The following STX12 variants were observed in gnomAD, a reference collection of about 807,000 sequenced individuals.
The protein encoded by STX12 is syntaxin-12.
Under a neutral mutation model 42.2 loss-of-function variants are expected in STX12, and 17 were observed. The ratio of observed to expected loss-of-function variants is 0.40; its 90% CI spans 0.28 to 0.60. The LOEUF is 0.60. STX12 is among the 20% of genes least tolerant of loss of function. STX12 has a pLI of 0.39. For synonymous variants in STX12, 108 were observed against 116.7 expected (o/e 0.93, Z 0.48); for missense variants, 297 against 330.9 (o/e 0.90, Z 0.79).
chr1:27,778,417 G>A (rs1052592597), intron 1 of STX12, among the ~76,000 whole-genome samples: 11 of 152,152 alleles, frequency 7.2e-5, no homozygotes, highest in Admixed American at 1.3e-4. Context: ...CTGACTGGGC[G>A]AGGTGTCTCA....
chr1:27,780,282 C>T (rs1304446013), intron 1 of STX12, among the ~76,000 whole-genome samples: 2 of 146,710 alleles, frequency 1.4e-5, no homozygotes, highest in Non-Finnish European at 3.0e-5. Flanking sequence ...CGATCAGGCT[C>T]ATTGCAACTT....
At chr1:27,773,546 C>A (rs2088610165) in intron 1 of STX12, 121 bp downstream of exon 1, 2 of 861,956 alleles carry the variant, frequency 2.3e-6, no homozygotes, top group Non-Finnish European at 1.8e-6. Flanking sequence ...CTGTCTCGGG[C>A]TGTCCACCCT....
intron 7 of STX12, among the ~76,000 whole-genome samples, chr1:27,819,137 C>G (rs2088965339): frequency 6.6e-6 from 1 of 151,890 alleles, no homozygotes; most frequent in Admixed American, 6.6e-5. Flanking sequence ...GGCATAGTAA[C>G]ATGCACCTGT....
At position 27,792,186 on chromosome 1, in the gene STX12, C is replaced by CATATATATGTATCTA. The variant is rs2088749456; in HGVS notation, c.189-1347_189-1346insATATATATGTATCTA. Among the ~76,000 whole-genome samples the CATATATATGTATCTA allele has an allele frequency of 2.1e-5, 2 of 94,688 alleles. 1 individual carries two copies. Among genetic ancestry groups the CATATATATGTATCTA allele is most frequent in the African/African-American group, 2.2e-4 (2 of 9,116 alleles). The allele number at this position is 94,688 out of a possible 152,430, so 62.1% of individuals were successfully genotyped here. A position where few individuals can be genotyped will look rare whatever the true frequency, so the allele number is the denominator to read the frequency against. On this transcript the variant is annotated intron_variant, in intron 2 of 8. Coordinates refer to ENST00000373943, the MANE Select transcript of STX12 (RefSeq NM_177424.3). ...TATATGTATATACATATATATGTAT[C>CATATATATGTATCTA]TATATATGTATATACATATATATGT... is the stretch of plus-strand genomic sequence containing the variant.
intron 2 of STX12, among the ~76,000 whole-genome samples, chr1:27,790,996 C>T (rs1472701261): frequency 2.0e-5 from 3 of 151,212 alleles, no homozygotes; most frequent in Admixed American, 6.6e-5. Context: ...TGTGGTGGCT[C>T]ACACCTGTAA....
chr1:27,795,792 GT>G (rs1454477033), intron 3 of STX12, among the ~76,000 whole-genome samples: 5 of 152,110 alleles, frequency 3.3e-5, no homozygotes, highest in African/African-American at 9.7e-5. Context: ...TATACGGGCT[GT>G]TTATTCTAAT....
chr1:27,794,652 C>G (rs2088772510), intron 3 of STX12, among the ~76,000 whole-genome samples: 1 of 152,108 alleles, frequency 6.6e-6, no homozygotes, highest in Admixed American at 6.6e-5. Context: ...CTCCGTCTAC[C>G]TTCCTATTAT....
chr1:27,812,755 A>G, intron 6 of STX12, among the ~76,000 whole-genome samples: 1 of 152,036 alleles, frequency 6.6e-6, no homozygotes, highest in East Asian at 1.9e-4. Flanking sequence ...CTACTGTTAT[A>G]ATGGCATTGG....
chr1:27,822,776 A>G lies in STX12; in HGVS notation c.*447A>G, dbSNP rs1476729893. ...ACTCTATAATAGGCCACCAGTTTTT[A>G]TTATTTAACATTTTTATTTGAATTT... On this transcript the variant is annotated 3_prime_UTR_variant, in exon 9 of 9. Coordinates refer to ENST00000373943, the MANE Select transcript of STX12 (RefSeq NM_177424.3). The G allele has an allele frequency of 1.3e-5, 2 of 153,206 alleles. No individual in the cohort carries two copies. The highest frequency in any genetic ancestry group is 2.9e-5 in the Non-Finnish European group (2 of 68,436). 9.5% of individuals were successfully genotyped at this position (153,206 alleles called of 1,614,324 possible). A position where few individuals can be genotyped will look rare whatever the true frequency, so the allele number is the denominator to read the frequency against.
At chr1:27,816,347 G>A (rs1043682267) in intron 6 of STX12, among the ~76,000 whole-genome samples, 11 of 151,846 alleles carry the variant, frequency 7.2e-5, no homozygotes, top group African/African-American at 2.7e-4. Flanking sequence ...GGTGGTGCAC[G>A]ACTGTAATCC....
chr1:27,804,445 G>A, intron 4 of STX12, among the ~76,000 whole-genome samples: 1 of 148,702 alleles, frequency 6.7e-6, no homozygotes. Flanking sequence ...ATATCATTAA[G>A]TTATCTTCTT....
At chr1:27,819,601 C>T (rs905794603) in intron 7 of STX12, 49 bp from the exon 8 acceptor site, 3 of 1,534,830 alleles carry the variant, frequency 2.0e-6, no homozygotes, top group Non-Finnish European at 2.7e-6. Context: ...AATTTGCAGT[C>T]TTAAAACATC....
intron 1 of STX12, among the ~76,000 whole-genome samples, chr1:27,787,726 A>G (rs2088709150): frequency 6.6e-6 from 1 of 152,112 alleles, no homozygotes; most frequent in Admixed American, 6.6e-5. Flanking sequence ...TACTCAATAC[A>G]TTTTAGCTTA....
intron 1 of STX12, among the ~76,000 whole-genome samples, chr1:27,779,977 C>T (rs2088656608): frequency 6.7e-6 from 1 of 148,854 alleles, no homozygotes; most frequent in South Asian, 2.1e-4. Flanking sequence ...TTTTAGTAGA[C>T]ACAGGGTTTC....
At chr1:27,806,503 C>T (rs1175930721) in intron 4 of STX12, among the ~76,000 whole-genome samples, 1 of 152,126 alleles carries the variant, frequency 6.6e-6, no homozygotes, top group Non-Finnish European at 1.5e-5. Context: ...TGTGCACTTC[C>T]CATTTCACAA....
At chr1:27,786,872 G>A (rs2088702509) in intron 1 of STX12, among the ~76,000 whole-genome samples, 1 of 152,158 alleles carries the variant, frequency 6.6e-6, no homozygotes, top group Non-Finnish European at 1.5e-5. Flanking sequence ...AATAGCTTTA[G>A]TTGTATCCTG....
Position 27,822,334 on chromosome 1 carries a change from C to T in STX12, c.*5C>T. On this transcript the variant is annotated 3_prime_UTR_variant, in exon 9 of 9. Transcript: ENST00000373943. ...CTAGTTTATAAAACGAAGTGATTGC[C>T]TCCGATCGTTCTCCCGCTGAGCTGT... 1 of 1,582,262 alleles carries T rather than the reference C, an allele frequency of 6.3e-7. No individual in the cohort carries two copies. Among genetic ancestry groups the T allele is most frequent in the Non-Finnish European group, 8.7e-7 (1 of 1,151,120 alleles).
chr1:27,814,558 A>T (rs2088927382), intron 6 of STX12, among the ~76,000 whole-genome samples: 1 of 151,472 alleles, frequency 6.6e-6, no homozygotes, highest in Non-Finnish European at 1.5e-5. Flanking sequence ...CCTTCAAAGA[A>T]AAATTACTAG....
At chr1:27,799,205 C>T (rs1317344790) in intron 3 of STX12, among the ~76,000 whole-genome samples, 1 of 152,150 alleles carries the variant, frequency 6.6e-6, no homozygotes, top group Non-Finnish European at 1.5e-5. Context: ...CTTTATCTCT[C>T]TTTCCCCACC....
Sources: allele counts gnomAD v4.1 joint callset (sites outside exome capture counted in the v4.1 genomes callset), GRCh38; gene constraint gnomAD v4.1.1; transcripts MANE v1.5; gene names NCBI Gene and HGNC (gene_info 2026-07-23, HGNC 2026-07-21).